Variants in DENND2B observed in about 807,000 individuals in gnomAD.
DENND2B encodes the protein DENN domain-containing protein 2B.
DENND2B carries 32 observed loss-of-function variants against 116.0 expected under a neutral mutation model. The observed-to-expected ratio is 0.28, with a 90% CI of 0.21 to 0.37. The LOEUF is 0.37. Ranked by LOEUF, DENND2B falls within the 10% of genes least tolerant of loss-of-function variation. The pLI, the probability that DENND2B is intolerant of heterozygous loss-of-function variation, is 1.00. For synonymous variants in DENND2B, 588 were observed against 583.9 expected, an observed-to-expected ratio of 1.01 and a Z score of -0.10; for missense variants, 1,276 against 1,477.7, an observed-to-expected ratio of 0.86 and a Z score of 2.24.
intron 2 of DENND2B, among the ~76,000 whole-genome samples, chr11:8,736,207 C>T (rs978388967): frequency 2.0e-5 from 3 of 152,098 alleles, no homozygotes; most frequent in African/African-American, 7.2e-5. Context: ...TCCATTCAAC[C>T]AGATATATTG....
chr11:8,764,463 T>A lies in DENND2B; in HGVS notation c.-25-13738A>T, dbSNP rs118057659. Among the ~76,000 whole-genome samples, 90 of 152,338 alleles carry A rather than the reference T, an allele frequency of 5.9e-4. 2 individuals carry two copies. In the East Asian group the frequency reaches 0.016, roughly 28 times the overall value. On this transcript the variant is annotated intron_variant, in intron 1 of 19. Transcript: ENST00000313726. ...ACTATGTGAAATAGATGCCATTATC[T>A]CCATTTTATGGATGAAGAAGCTGAG...
intron 13 of DENND2B, among the ~76,000 whole-genome samples, chr11:8,703,925 G>C (rs148749917): frequency 1.2e-3 from 184 of 152,310 alleles, no homozygotes; most frequent in African/African-American, 4.3e-3. Context: ...GTAGCACAAT[G>C]ATGCCAGAGC....
At chr11:8,719,049 G>A (rs2045652661) in intron 4 of DENND2B, 2 of 985,494 alleles carry the variant, frequency 2.0e-6, no homozygotes, top group African/African-American at 3.5e-5. Flanking sequence ...GATTGAGCCT[G>A]GGTGCCACTG....
At chr11:8,699,802 G>T in intron 14 of DENND2B, 1 of 456,534 alleles carries the variant, frequency 2.2e-6, no homozygotes, top group Non-Finnish European at 4.4e-6. Flanking sequence ...GAGGGACAAA[G>T]AACTTGTGGA....
intron 1 of DENND2B, among the ~76,000 whole-genome samples, chr11:8,898,446 C>T (rs1489671574): frequency 6.6e-6 from 1 of 152,072 alleles, no homozygotes; most frequent in Non-Finnish European, 1.5e-5. Flanking sequence ...AGTAGCTACA[C>T]ACTACAGGAA....
At chr11:8,869,805 T>C (rs557825769) in intron 2 of DENND2B, among the ~76,000 whole-genome samples, 37 of 152,334 alleles carry the variant, frequency 2.4e-4, no homozygotes, top group African/African-American at 7.7e-4. Context: ...CAGGCTCTTC[T>C]TGAGTTCTGG....
At chr11:8,783,584 A>T (rs146068656) in intron 1 of DENND2B, among the ~76,000 whole-genome samples, 1 of 152,252 alleles carries the variant, frequency 6.6e-6, no homozygotes, top group African/African-American at 2.4e-5. Context: ...AACAATAATT[A>T]TGCTATAGGG....
intron 4 of DENND2B, among the ~76,000 whole-genome samples, chr11:8,719,647 G>A (rs974035590): frequency 6.6e-6 from 1 of 152,186 alleles, no homozygotes; most frequent in African/African-American, 2.4e-5. Flanking sequence ...GGGGCACTTA[G>A]GGAGGTGTTG....
rs572239592 is a variant in DENND2B, at chr11:8,729,467, A to G, written c.1340+483T>C. On this transcript the variant is annotated intron_variant, in intron 3 of 19. Coordinates refer to ENST00000313726, the MANE Select transcript of DENND2B (RefSeq NM_213618.2). ...TATATGGCCAGGAGGCCTTCAGGAGAGAAGGAATTGTGTTAAATTTGCCGA... is the reference window on the plus strand; with the variant it reads ...TATATGGCCAGGAGGCCTTCAGGAGGGAAGGAATTGTGTTAAATTTGCCGA... 3.9e-5 allele frequency among the ~76,000 whole-genome samples: 6 copies of G among 152,276 alleles called. No individual in the cohort carries two copies. The East Asian group carries it at 1.2e-3, about 29-fold the overall frequency.
At chr11:8,833,472 T>C (rs1231054883) in intron 4 of DENND2B, among the ~76,000 whole-genome samples, 1 of 152,210 alleles carries the variant, frequency 6.6e-6, no homozygotes, top group Non-Finnish European at 1.5e-5. Flanking sequence ...CCCCTTCTCA[T>C]ATACGACCTG....
At chr11:8,791,877 GA>G (rs1208652524) in intron 1 of DENND2B, among the ~76,000 whole-genome samples, 2 of 152,042 alleles carry the variant, frequency 1.3e-5, no homozygotes, top group African/African-American at 4.8e-5. Flanking sequence ...AAATTTAATA[GA>G]AAAAAAGGTT....
chr11:8,895,491 A>G (rs548854201), intron 1 of DENND2B: 1 of 152,340 alleles, frequency 6.6e-6, no homozygotes, highest in East Asian at 1.9e-4. Context: ...GCCAGTCACG[A>G]GAAGAAAAAT....
At chr11:8,792,892 C>T (rs569504104) in intron 1 of DENND2B, among the ~76,000 whole-genome samples, 2 of 152,314 alleles carry the variant, frequency 1.3e-5, no homozygotes, top group African/African-American at 4.8e-5. Flanking sequence ...TGAGCACACC[C>T]TTTGATCAGC....
chr11:8,774,402 T>C, intron 1 of DENND2B: 1 of 855,414 alleles, frequency 1.2e-6, no homozygotes, highest in Non-Finnish European at 1.4e-6. Flanking sequence ...CTTCCTCCAT[T>C]AGAATCTAGT....
In DENND2B at chr11:8,880,382, TGTA is replaced by T. The variant is rs1432212142; in HGVS notation, c.-156+625_-156+627del. Among the ~76,000 whole-genome samples the T allele has an allele frequency of 1.7e-3, 247 of 148,908 alleles. 5 individuals carry two copies. The highest frequency in any genetic ancestry group is 5.9e-3 in the African/African-American group (241 of 41,010). The stretch of plus-strand genomic sequence containing the variant: ...GTGTGTGTGTGTGTGTGTGTGTGTG[TGTA>T]GTTTTTACTACCAAATGTGATTTAT... On this transcript the variant is annotated intron_variant, in intron 2 of 22. Transcript: ENST00000534127.
At position 8,880,209 on chromosome 11, in the gene DENND2B, C is replaced by A. The variant is rs909651893; in HGVS notation, c.-156+801G>T. Among the ~76,000 whole-genome samples the A allele has an allele frequency of 3.3e-5, 5 of 152,136 alleles. No homozygotes were observed. The South Asian group carries it at 6.2e-4, about 19-fold the overall frequency. On this transcript the variant is annotated intron_variant, in intron 2 of 22. Transcript: ENST00000534127. ...TTTCCTTTTCTTTTAGGATAATTGG[C>A]ATTCTATGCTCTTCTTAATTCCTTC...
chr11:8,707,769 C>T lies in DENND2B; in HGVS notation c.2430+8G>A, dbSNP rs547787868. 1.2e-6 allele frequency: 2 copies of T among 1,603,780 alleles called. No individual in the cohort carries two copies. Among genetic ancestry groups the T allele is most frequent in the Non-Finnish European group, 1.7e-6 (2 of 1,175,488 alleles). On this transcript the variant is annotated splice_region_variant and intron_variant, in intron 12 of 19. Coordinates refer to ENST00000313726, the MANE Select transcript of DENND2B (RefSeq NM_213618.2). The surrounding 1 kb of genome is among the most constrained non-coding windows in gnomAD (Gnocchi z 4.8). ...GGACGGGGAGGGAAGCCTGCCAGAGCCTCTTACCTTGGAAAACAAGCCGAA... is the reference window on the plus strand; with the variant it reads ...GGACGGGGAGGGAAGCCTGCCAGAGTCTCTTACCTTGGAAAACAAGCCGAA...
chr11:8,824,275 G>A (rs1393577412), intron 4 of DENND2B, among the ~76,000 whole-genome samples: 2 of 151,530 alleles, frequency 1.3e-5, no homozygotes, highest in Non-Finnish European at 2.9e-5. Flanking sequence ...ATGGGGGCTT[G>A]TTGTACAGAT....
At chr11:8,905,534 A>C (rs2064224574) in intron 1 of DENND2B, among the ~76,000 whole-genome samples, 1 of 152,236 alleles carries the variant, frequency 6.6e-6, no homozygotes, top group Admixed American at 6.5e-5. Context: ...CAATTTATAA[A>C]GGAAAAAAAT....
Sources: allele counts gnomAD v4.1 joint callset (sites outside exome capture counted in the v4.1 genomes callset), GRCh38; gene constraint gnomAD v4.1.1; non-coding constraint Gnocchi (gnomAD v3.1); transcripts MANE v1.5; gene names NCBI Gene and HGNC (gene_info 2026-07-23, HGNC 2026-07-21).